The following COL21A1 variants were observed in gnomAD, a reference collection of about 807,000 sequenced individuals.
COL21A1 encodes the protein collagen type XXI alpha 1 chain.
In COL21A1, 149 loss-of-function variants were observed where a neutral mutation model predicts 137.9. That is an observed-to-expected ratio of 1.08 (90% CI 0.95 to 1.24). COL21A1 has a LOEUF of 1.24. COL21A1 is among the 50% of genes most tolerant of loss of function. The pLI is 0.00. For missense variants in COL21A1, 1,167 were observed against 1,158.4 expected (o/e 1.01, Z -0.11); for synonymous variants, 456 against 391.5 (o/e 1.16, Z -1.95).
chr6:56,270,592 C>T (rs1763502362), intron 1 of COL21A1, among the ~76,000 whole-genome samples: 1 of 152,184 alleles, frequency 6.6e-6, no homozygotes, highest in East Asian at 1.9e-4. Context: ...CAGAACACTC[C>T]ACCCACCAGT....
chr6:56,373,587 G>A (rs760756203), intron 1 of COL21A1, among the ~76,000 whole-genome samples: 2 of 152,220 alleles, frequency 1.3e-5, no homozygotes, highest in Non-Finnish European at 2.9e-5. Context: ...GGGTGACAGA[G>A]CGAGACTCTG....
chr6:56,238,430 T>TAA (rs548005509), intron 1 of COL21A1, among the ~76,000 whole-genome samples: 935 of 91,464 alleles, frequency 0.01, 17 homozygotes, highest in African/African-American at 0.034. Context: ...GCAGTCTTCT[T>TAA]AAAAAAAAAA....
intron 16 of COL21A1, among the ~76,000 whole-genome samples, chr6:56,102,086 T>A (rs12214519): frequency 6.6e-6 from 1 of 151,990 alleles, no homozygotes; most frequent in Non-Finnish European, 1.5e-5. Flanking sequence ...GATATATACC[T>A]TTACATTACT....
In COL21A1 at chr6:56,300,802, G is replaced by T. The variant is rs1049046700; in HGVS notation, c.-39+93169C>A. Among the ~76,000 whole-genome samples the T allele has an allele frequency of 2.0e-5, 3 of 152,146 alleles. No individual in the cohort carries two copies. In the South Asian group the frequency reaches 6.2e-4, roughly 32 times the overall value. The stretch of plus-strand genomic sequence containing the variant: ...ATACTGCTCTAAAATCTATTTTATT[G>T]ATTGCTTGGTTGATTGACTGGTGAA... On this transcript the variant is annotated intron_variant, in intron 1 of 28. Transcript: ENST00000370819.
chr6:56,237,583 C>T (rs1781989319), intron 1 of COL21A1, among the ~76,000 whole-genome samples: 1 of 152,118 alleles, frequency 6.6e-6, no homozygotes, highest in African/African-American at 2.4e-5. Context: ...TGGAACTCAA[C>T]TTAGCAACCA....
intron 1 of COL21A1, among the ~76,000 whole-genome samples, chr6:56,315,689 C>T (rs907749833): frequency 2.0e-5 from 3 of 152,006 alleles, no homozygotes; most frequent in Admixed American, 6.6e-5. Flanking sequence ...CCTCATCTCC[C>T]GCTCCTCCCT....
At chr6:56,382,192 C>T (rs921603277) in intron 1 of COL21A1, among the ~76,000 whole-genome samples, 4 of 152,166 alleles carry the variant, frequency 2.6e-5, no homozygotes, top group African/African-American at 9.7e-5. Flanking sequence ...ATTAATCCCA[C>T]GTTTGTGAGT....
chr6:56,297,574 C>CT (rs1278346565), intron 1 of COL21A1, among the ~76,000 whole-genome samples: 4 of 152,046 alleles, frequency 2.6e-5, no homozygotes, highest in African/African-American at 4.8e-5. Context: ...TACTCTTTTA[C>CT]TGACTGTAAC....
chr6:56,086,526 C>G (rs562896700), intron 17 of COL21A1, among the ~76,000 whole-genome samples: 1 of 152,028 alleles, frequency 6.6e-6, no homozygotes, highest in Non-Finnish European at 1.5e-5. Flanking sequence ...AATATATCTA[C>G]TATTCATTAA....
intron 3 of COL21A1, among the ~76,000 whole-genome samples, 199 bp from the exon 4 acceptor site, chr6:56,171,327 G>A (rs1488304424): frequency 1.3e-5 from 2 of 151,770 alleles, no homozygotes; most frequent in Non-Finnish European, 3.0e-5. Context: ...ACATTTAAGA[G>A]TGAGATCTTA....
chr6:56,214,018 T>C (rs1780339717), intron 1 of COL21A1, among the ~76,000 whole-genome samples: 1 of 152,146 alleles, frequency 6.6e-6, no homozygotes, highest in South Asian at 2.1e-4. Flanking sequence ...TTTTATGCTA[T>C]AGCCATTGTC....
At chr6:56,291,493 CT>C (rs1764042540) in intron 1 of COL21A1, among the ~76,000 whole-genome samples, 1 of 152,216 alleles carries the variant, frequency 6.6e-6, no homozygotes, top group Admixed American at 6.5e-5. Flanking sequence ...CAGTCTCCCC[CT>C]GGCACCCACT....
intron 27 of COL21A1, 50 bp from the exon 28 acceptor site, chr6:56,060,268 T>C: frequency 7.1e-7 from 1 of 1,404,666 alleles, no homozygotes; most frequent in South Asian, 1.4e-5. Flanking sequence ...GGTGAGTTGG[T>C]GTTAATTATA....
chr6:56,210,687 ATGGCTT>A (rs1395406664), intron 1 of COL21A1, among the ~76,000 whole-genome samples: 6 of 152,182 alleles, frequency 3.9e-5, no homozygotes, highest in African/African-American at 1.4e-4. Context: ...TCTTCTGTGA[ATGGCTT>A]TTGCCAATAA....
intron 1 of COL21A1, among the ~76,000 whole-genome samples, chr6:56,379,209 A>G (rs1175099871): frequency 6.6e-6 from 1 of 152,220 alleles, no homozygotes; most frequent in African/African-American, 2.4e-5. Flanking sequence ...ATCCAGGAAA[A>G]CATGACCTCA....
chr6:56,343,176 A>G (rs1765508853), intron 1 of COL21A1, among the ~76,000 whole-genome samples: 1 of 152,120 alleles, frequency 6.6e-6, no homozygotes, highest in Admixed American at 6.5e-5. Flanking sequence ...TAATCACCAT[A>G]GGGACCACCC....
rs1379883954 is a variant in COL21A1, at chr6:56,077,798, G to GA, written c.1813-226dup. 1.3e-5 allele frequency: 6 copies of GA among 454,820 alleles called. No homozygotes were observed. In the East Asian group the frequency reaches 2.4e-4, roughly 18 times the overall value. The allele number at this position is 454,820 out of a possible 1,614,324, so 28.2% of individuals were successfully genotyped here. On this transcript the variant is annotated intron_variant, in intron 17 of 29. Transcript: ENST00000244728. ...TTAGAGCTTTAAATAAAGGCTTTTTGAAAAAGAAACTATGAGGAAATTCAT... is the reference window on the plus strand; with the variant it reads ...TTAGAGCTTTAAATAAAGGCTTTTTGAAAAAAGAAACTATGAGGAAATTCAT...
chr6:56,124,782 C>T (rs1201964607), intron 14 of COL21A1, among the ~76,000 whole-genome samples: 6 of 152,058 alleles, frequency 3.9e-5, no homozygotes, highest in African/African-American at 1.4e-4. Flanking sequence ...GCTGGGACTA[C>T]AGGCGCCCAC....
chr6:56,286,575 G>C (rs1763919022), intron 1 of COL21A1, among the ~76,000 whole-genome samples: 1 of 152,110 alleles, frequency 6.6e-6, no homozygotes, highest in African/African-American at 2.4e-5. Flanking sequence ...ATTTAGCACG[G>C]GGCTGAGCAC....
Sources: gnomAD v4.1 joint callset for allele counts (sites outside exome capture counted in the v4.1 genomes callset) on GRCh38, gnomAD v4.1.1 for gene constraint, MANE v1.5 for transcripts, NCBI Gene and HGNC (gene_info 2026-07-23, HGNC 2026-07-21) for gene names.